Variants in HNF4G observed in about 807,000 individuals in gnomAD.
HNF4G encodes the protein hepatocyte nuclear factor 4 gamma.
In HNF4G, 21 loss-of-function variants were observed where a neutral mutation model predicts 50.9. The observed-to-expected ratio is 0.41, with a 90% CI of 0.29 to 0.59. The LOEUF is 0.59. HNF4G is among the 20% of genes least tolerant of loss of function. The pLI, the probability that HNF4G is intolerant of heterozygous loss-of-function variation, is 0.26. For synonymous variants in HNF4G, 198 were observed against 185.6 expected (o/e 1.07, Z -0.54); for missense variants, 527 against 559.4 (o/e 0.94, Z 0.58).
At chr8:75,557,424 A>G (rs2130811446) in intron 6 of HNF4G, among the ~76,000 whole-genome samples, 1 of 152,300 alleles carries the variant, frequency 6.6e-6, no homozygotes, top group South Asian at 2.1e-4. Flanking sequence ...GTTCGAGACC[A>G]GCCTGGCCAA....
chr8:75,427,810 T>A (rs1310373273), intron 1 of HNF4G, among the ~76,000 whole-genome samples: 1 of 152,108 alleles, frequency 6.6e-6, no homozygotes, highest in Non-Finnish European at 1.5e-5. Flanking sequence ...TGTATATATA[T>A]GTTATGTGTA....
At chr8:75,423,697 A>G (rs1810825820) in intron 1 of HNF4G, among the ~76,000 whole-genome samples, 1 of 149,168 alleles carries the variant, frequency 6.7e-6, no homozygotes, top group Non-Finnish European at 1.5e-5. Context: ...GCCATTTATG[A>G]CTATTCTTAA....
intron 1 of HNF4G, among the ~76,000 whole-genome samples, chr8:75,462,711 A>G (rs1385954657): frequency 6.6e-6 from 1 of 152,162 alleles, no homozygotes. Context: ...AGTGTAATAT[A>G]ATAGAAATAG....
At chr8:75,536,664 T>C (rs1806474531), upstream of HNF4G, among the ~76,000 whole-genome samples, 1 of 152,230 alleles carries the variant, frequency 6.6e-6, no homozygotes, top group East Asian at 1.9e-4. Flanking sequence ...TAATTTCATT[T>C]TTTAATTGTG....
chr8:75,424,046 C>T (rs1264513059), intron 1 of HNF4G, among the ~76,000 whole-genome samples: 2 of 151,698 alleles, frequency 1.3e-5, no homozygotes, highest in African/African-American at 2.4e-5. Context: ...TGGTCTTGAT[C>T]TCTTGACCTC....
intron 1 of HNF4G, among the ~76,000 whole-genome samples, chr8:75,472,561 A>G (rs1812139450): frequency 6.6e-6 from 1 of 152,240 alleles, no homozygotes; most frequent in Non-Finnish European, 1.5e-5. Flanking sequence ...CTATTCCCTT[A>G]GTAAGTAAAG....
intron 1 of HNF4G, among the ~76,000 whole-genome samples, chr8:75,437,627 A>G (rs1157323400): frequency 2.0e-5 from 3 of 152,180 alleles, no homozygotes; most frequent in Non-Finnish European, 4.4e-5. Context: ...GTGAGCCGAG[A>G]TCACGCCACT....
At chr8:75,527,777 T>G (rs1806222483) in intron 2 of HNF4G, among the ~76,000 whole-genome samples, 1 of 152,192 alleles carries the variant, frequency 6.6e-6, no homozygotes, top group Admixed American at 6.5e-5. Context: ...TATGAGATCT[T>G]TCAGTTATTG....
At chr8:75,462,091 A>G (rs1811866726) in intron 1 of HNF4G, among the ~76,000 whole-genome samples, 1 of 151,590 alleles carries the variant, frequency 6.6e-6, no homozygotes, top group Non-Finnish European at 1.5e-5. Context: ...CTAATTTTGT[A>G]TTTTTAGTAG....
intron 2 of HNF4G, among the ~76,000 whole-genome samples, chr8:75,515,013 G>A (rs1052061798): frequency 6.6e-6 from 1 of 151,870 alleles, no homozygotes; most frequent in African/African-American, 2.4e-5. Flanking sequence ...GAAGTTTTAA[G>A]GATTACCTCC....
intron 2 of HNF4G, among the ~76,000 whole-genome samples, chr8:75,524,828 A>C (rs1806137940): frequency 6.6e-6 from 1 of 152,260 alleles, no homozygotes; most frequent in Admixed American, 6.5e-5. Context: ...ATGTTTGTTA[A>C]GAATATAAGT....
chr8:75,514,354 C>CTTTTTTTTTTCT (rs1805837081), intron 2 of HNF4G, among the ~76,000 whole-genome samples: 8 of 125,028 alleles, frequency 6.4e-5, no homozygotes, highest in Non-Finnish European at 9.9e-5. Context: ...TTTCTTCTTT[C>CTTTTTTTTTTCT]TTTTTTTTTT....
At chr8:75,496,587 T>A (rs185723636) in intron 2 of HNF4G, among the ~76,000 whole-genome samples, 7,585 of 152,106 alleles carry the variant, frequency 0.05, 255 homozygotes, top group Non-Finnish European at 0.072. Flanking sequence ...TTGGATTTCT[T>A]AATCTTGCAT....
chr8:75,480,846 G>A (rs1218340656), intron 1 of HNF4G, among the ~76,000 whole-genome samples: 1 of 151,958 alleles, frequency 6.6e-6, no homozygotes, highest in East Asian at 1.9e-4. Flanking sequence ...GAGTAACCGG[G>A]ACTACATGCG....
intron 5 of HNF4G, among the ~76,000 whole-genome samples, chr8:75,553,831 AC>A (rs1041727762): frequency 6.6e-6 from 1 of 152,094 alleles, no homozygotes; most frequent in Non-Finnish European, 1.5e-5. Flanking sequence ...TTTTACTAAT[AC>A]TTCTATTTTC....
chr8:75,417,601 A>C (rs1810672109), intron 1 of HNF4G, among the ~76,000 whole-genome samples: 1 of 152,220 alleles, frequency 6.6e-6, no homozygotes, highest in Non-Finnish European at 1.5e-5. Context: ...TATCTTCTAA[A>C]GCTAAAAATG....
rs182304184 is a variant in HNF4G at position 75,528,351 on chromosome 8, G to A, written c.-23-15460G>A. Among the ~76,000 whole-genome samples, 11 of 152,250 alleles carry A rather than the reference G, an allele frequency of 7.2e-5. No homozygotes were observed. The East Asian group carries it at 1.9e-3, about 27-fold the overall frequency. Reference sequence around the variant, plus strand: ...GAGTGGTTAGTTACATTCAGGCCTTGCTGTTTGCAGCCTTAAACTTCATGT... The same window carrying A: ...GAGTGGTTAGTTACATTCAGGCCTTACTGTTTGCAGCCTTAAACTTCATGT... On this transcript the variant is annotated intron_variant, in intron 2 of 10. Transcript: ENST00000354370.
At chr8:75,502,544 C>A (rs1342116519) in intron 2 of HNF4G, among the ~76,000 whole-genome samples, 1 of 152,102 alleles carries the variant, frequency 6.6e-6, no homozygotes, top group Non-Finnish European at 1.5e-5. Flanking sequence ...AGCTTTTAAA[C>A]ATATACTAAA....
intron 1 of HNF4G, among the ~76,000 whole-genome samples, chr8:75,448,549 A>G (rs1811489385): frequency 6.6e-6 from 1 of 151,024 alleles, no homozygotes. Flanking sequence ...ATACGTTTCT[A>G]ATATAAGATT....
Sources: allele counts gnomAD v4.1 joint callset (sites outside exome capture counted in the v4.1 genomes callset), GRCh38; gene constraint gnomAD v4.1.1; transcripts MANE v1.5; gene names NCBI Gene and HGNC (gene_info 2026-07-23, HGNC 2026-07-21).